The following WDR43 variants were observed in gnomAD, a reference collection of about 807,000 sequenced individuals.
WDR43 encodes the protein WD repeat-containing protein 43.
In WDR43, 13 loss-of-function variants were observed where a neutral mutation model predicts 91.4. The observed-to-expected ratio is 0.14, with a 90% confidence interval of 0.09 to 0.23. The LOEUF is 0.23. Among genes scored for constraint, WDR43 ranks in the 10% least tolerant of loss-of-function variants. The probability of loss-of-function intolerance (pLI) is 1.00; values close to 1 mark genes in which losing one functional copy is unlikely to be tolerated. For synonymous variants in WDR43, 331 were observed against 287.9 expected (o/e 1.15, Z -1.51); for missense variants, 780 against 809.4 (o/e 0.96, Z 0.44).
intron 8 of WDR43, 56 bp from the exon 9 acceptor site, chr2:28,926,412 C>A: frequency 7.6e-7 from 1 of 1,307,384 alleles, no homozygotes; most frequent in South Asian, 1.6e-5. Context: ...CTTTGTTTGA[C>A]ACTCTTTTTT....
intron 11 of WDR43, among the ~76,000 whole-genome samples, chr2:28,931,098 TAG>T: frequency 6.7e-6 from 1 of 148,184 alleles, no homozygotes; most frequent in African/African-American, 2.5e-5. Context: ...TTTTTGGAGA[TAG>T]AGTCTTGCTT....
rs965479986 is a variant in WDR43, at chr2:28,923,856, A to T, written c.914+873A>T. 5.3e-5 allele frequency among the ~76,000 whole-genome samples: 8 copies of T among 152,292 alleles called. 1 individual carries two copies. In the Middle Eastern group the frequency reaches 0.01, roughly 194 times the overall value. On this transcript the variant is annotated intron_variant, in intron 7 of 17. Coordinates refer to ENST00000407426, the MANE Select transcript of WDR43 (RefSeq NM_015131.3). ...AAGGTAGCTGGCCACAGTGAGGACT[A>T]CCTGGGCAGTGGCAAACCATTGAAG...
chr2:28,903,311 AC>A (rs371263559), intron 2 of WDR43, among the ~76,000 whole-genome samples: 23 of 152,300 alleles, frequency 1.5e-4, no homozygotes, highest in African/African-American at 4.8e-4. Context: ...AGAATTACTA[AC>A]CTAAAATTAG....
chr2:28,907,310 G>T (rs1459836487), intron 3 of WDR43, among the ~76,000 whole-genome samples: 12 of 152,100 alleles, frequency 7.9e-5, no homozygotes, highest in African/African-American at 2.9e-4. Flanking sequence ...TGGGATTTTA[G>T]ATTCTGTCTG....
At chr2:28,912,535 TGAGTA>T in intron 3 of WDR43, 50 bp from the exon 4 acceptor site, 1 of 1,575,362 alleles carries the variant, frequency 6.3e-7, no homozygotes, top group Non-Finnish European at 8.6e-7. Context: ...TTTTCTGCTC[TGAGTA>T]AAGTTTTCTC....
chr2:28,945,221 A>G (rs1671523668), intron 16 of WDR43, among the ~76,000 whole-genome samples: 1 of 151,808 alleles, frequency 6.6e-6, no homozygotes, highest in African/African-American at 2.4e-5. Context: ...TAGAAGAAGA[A>G]TGTTAGAATA....
At chr2:28,932,859 A>G (rs1671273718) in intron 11 of WDR43, among the ~76,000 whole-genome samples, 1 of 152,206 alleles carries the variant, frequency 6.6e-6, no homozygotes, top group Non-Finnish European at 1.5e-5. Flanking sequence ...TAAATATTTT[A>G]AAAAGCATTT....
At chr2:28,900,693 T>C (rs1331426600) in intron 1 of WDR43, among the ~76,000 whole-genome samples, 1 of 152,254 alleles carries the variant, frequency 6.6e-6, no homozygotes, top group Non-Finnish European at 1.5e-5. Context: ...GAGGTTTCAA[T>C]GTTTCAACAA....
Position 28,942,318 on chromosome 2 carries a change from G to T in WDR43, c.1741G>T (p.Ala581Ser). The T allele has an allele frequency of 6.2e-7, 1 of 1,613,256 alleles. No individual in the cohort carries two copies. Among genetic ancestry groups the T allele is most frequent in the Non-Finnish European group, 8.5e-7 (1 of 1,179,536 alleles). ...GTACTTTATCTTCTTCCAGGTAACA[G>T]CATCAGAGAAGACAAAGGGAGCAAC... ...KLILLITQVT[A>S]SEKTKGATSP... Residue 581 changes from alanine (A) to serine (S), a missense_variant, in exon 16 of 18, where the codon GCA becomes TCA. By Grantham distance (99) the Ala-to-Ser change is moderately conservative (BLOSUM62 1). This residue lies in a region of WDR43 where 426 missense variants were observed against 467.8 expected (regional missense o/e 0.91). Transcript: ENST00000407426.
intron 16 of WDR43, among the ~76,000 whole-genome samples, chr2:28,945,470 A>G (rs924612763): frequency 6.6e-6 from 1 of 152,104 alleles, no homozygotes; most frequent in African/African-American, 2.4e-5. Flanking sequence ...TTTTCATGAC[A>G]TGGACTTGGT....
rs1269090491 is a variant in WDR43, at chr2:28,894,893, G to A, written c.195G>A (p.Leu65=). 8.1e-6 allele frequency: 13 copies of A among 1,602,888 alleles called. No homozygotes were observed. Among genetic ancestry groups the A allele is most frequent in the Non-Finnish European group, 1.1e-5 (13 of 1,175,352 alleles). Residue 65 remains leucine (L), a synonymous_variant, in exon 1 of 18, where the codon CTG becomes CTA. Coordinates refer to ENST00000407426, the MANE Select transcript of WDR43 (RefSeq NM_015131.3). ...SAHLSGTCTC[L]AWAPARLQAK... The stretch of plus-strand genomic sequence containing the variant: ...ACCTCAGTGGTACCTGCACCTGTCT[G>A]GCCTGGGCGCCAGCGCGGCTGCAGG...
intron 1 of WDR43, among the ~76,000 whole-genome samples, chr2:28,895,534 C>T (rs927542259): frequency 1.3e-5 from 2 of 152,132 alleles, no homozygotes; most frequent in Non-Finnish European, 2.9e-5. Context: ...ATTTTAACAT[C>T]TGCTCGCCCC....
rs568443824 is a variant in WDR43, at chr2:28,918,015, A to G, written c.849+20A>G. The G allele has an allele frequency of 6.5e-7, 1 of 1,543,680 alleles. No homozygotes were observed. Among genetic ancestry groups the G allele is most frequent in the Non-Finnish European group, 8.7e-7 (1 of 1,143,040 alleles). On this transcript the variant is annotated intron_variant, in intron 6 of 17. Transcript: ENST00000407426. ...GAAGAGGTAAATGGCTCGATTTTTGAGAATTTGTTTTTGGGTTTCACAGAT... is the reference window on the plus strand; with the variant it reads ...GAAGAGGTAAATGGCTCGATTTTTGGGAATTTGTTTTTGGGTTTCACAGAT...
At chr2:28,914,584 A>C (rs1004817666) in intron 5 of WDR43, among the ~76,000 whole-genome samples, 5 of 152,122 alleles carry the variant, frequency 3.3e-5, no homozygotes, top group Non-Finnish European at 7.4e-5. Context: ...ATTTCCAGTA[A>C]CTCCTTTTTG....
At chr2:28,906,387 C>T (rs912042646) in intron 2 of WDR43, 73 bp from the exon 3 acceptor site, 173 of 1,420,188 alleles carry the variant, frequency 1.2e-4, no homozygotes, top group Non-Finnish European at 1.5e-4. Context: ...CTTGGGAGAG[C>T]GAGGAAGGAG....
chr2:28,930,838 T>A (rs1028142572), intron 11 of WDR43, among the ~76,000 whole-genome samples: 2 of 152,208 alleles, frequency 1.3e-5, no homozygotes, highest in African/African-American at 4.8e-5. Flanking sequence ...TTATCAGTAC[T>A]AGCCAATCAA....
intron 5 of WDR43, among the ~76,000 whole-genome samples, chr2:28,917,231 C>T (rs1391647003): frequency 6.6e-6 from 1 of 152,008 alleles, no homozygotes; most frequent in Non-Finnish European, 1.5e-5. Flanking sequence ...TAGTCTACAC[C>T]CCTGAAGGAG....
At chr2:28,898,850 A>G (rs889741048) in intron 1 of WDR43, among the ~76,000 whole-genome samples, 1 of 152,174 alleles carries the variant, frequency 6.6e-6, no homozygotes, top group Non-Finnish European at 1.5e-5. Flanking sequence ...AAAAGTCATT[A>G]CTTTAATTGC....
chr2:28,936,063 G>A (rs963549751), intron 12 of WDR43, among the ~76,000 whole-genome samples: 5 of 152,032 alleles, frequency 3.3e-5, no homozygotes, highest in Non-Finnish European at 7.4e-5. Context: ...GTTAATCTCT[G>A]TGACTGGCAG....
Sources: gnomAD v4.1 joint callset for allele counts (sites outside exome capture counted in the v4.1 genomes callset) on GRCh38, gnomAD v4.1.1 for gene constraint, gnomAD v4.1.1 regional missense constraint, MANE v1.5 for transcripts, NCBI Gene and HGNC (gene_info 2026-07-23, HGNC 2026-07-21) for gene names.